INO80: variants seen among roughly 807,000 people sequenced by gnomAD.
INO80 encodes INO80 complex ATPase subunit, also known as chromatin-remodeling ATPase INO80.
Under a neutral mutation model 203.4 loss-of-function variants are expected in INO80, and 20 were observed. The ratio of observed to expected loss-of-function variants is 0.10; its 90% CI spans 0.07 to 0.14. The LOEUF is 0.14. Among genes scored for constraint, INO80 ranks in the 10% least tolerant of loss-of-function variants. The pLI, the probability that INO80 is intolerant of heterozygous loss-of-function variation, is 1.00. For missense variants in INO80, 1,419 were observed against 1,914.4 expected (o/e 0.74, Z 4.83); for synonymous variants, 726 against 685.2 (o/e 1.06, Z -0.93).
chr15:41,014,975 T>C (rs1487184475), intron 27 of INO80, among the ~76,000 whole-genome samples: 1 of 152,192 alleles, frequency 6.6e-6, no homozygotes, highest in African/African-American at 2.4e-5. Context: ...TGTAAAAACA[T>C]GAGAACATTT....
chr15:41,021,207 C>A, intron 25 of INO80, 82 bp from the exon 26 acceptor site: 1 of 900,642 alleles, frequency 1.1e-6, no homozygotes. Flanking sequence ...ACTTTGAAAT[C>A]AGACTAATGT....
intron 1 of INO80, among the ~76,000 whole-genome samples, chr15:41,115,124 A>C (rs942260144): frequency 6.6e-6 from 1 of 152,334 alleles, no homozygotes; most frequent in African/African-American, 2.4e-5. Context: ...ACTGACTGGA[A>C]AAGTAACCTG....
chr15:41,082,970 A>G (rs1282671101), intron 7 of INO80, among the ~76,000 whole-genome samples: 3 of 152,032 alleles, frequency 2.0e-5, no homozygotes, highest in African/African-American at 4.8e-5. Flanking sequence ...AAAGTTTCCC[A>G]TAACTTTCCC....
chr15:41,113,501 C>T (rs1445374679), intron 1 of INO80, among the ~76,000 whole-genome samples: 2 of 152,080 alleles, frequency 1.3e-5, no homozygotes, highest in Non-Finnish European at 2.9e-5. Context: ...CTCCTGACCT[C>T]AGGTGATCCA....
Position 41,054,025 on chromosome 15 carries a change from G to T in INO80, c.2189-11C>A. ...AGCGAGAAAGTTGATCTGAAATGCC[G>T]GGAGGCCCCCAAATAATACATTATA... On this transcript the variant is annotated splice_polypyrimidine_tract_variant and intron_variant, in intron 18 of 35. Coordinates refer to ENST00000648947, the MANE Select transcript of INO80 (RefSeq NM_017553.3). 6.2e-7 allele frequency: 1 copy of T among 1,608,280 alleles called. No individual in the cohort carries two copies. Among genetic ancestry groups the T allele is most frequent in the South Asian group, 1.1e-5 (1 of 90,858 alleles).
At chr15:41,096,142 C>T in intron 2 of INO80, 26 bp downstream of exon 2, 2 of 1,572,816 alleles carry the variant, frequency 1.3e-6, no homozygotes, top group Non-Finnish European at 8.6e-7. Context: ...TTTGGTAAAA[C>T]ATATTGCAAA....
At chr15:41,054,069 C>T (rs2044939048) in intron 18 of INO80, 55 bp from the exon 19 acceptor site, 10 of 1,406,114 alleles carry the variant, frequency 7.1e-6, no homozygotes, top group African/African-American at 2.8e-5. Flanking sequence ...ACAAAAACAA[C>T]AGAAACAAAT....
chr15:41,113,628 T>C (rs1322613073), intron 1 of INO80, among the ~76,000 whole-genome samples: 1 of 152,120 alleles, frequency 6.6e-6, no homozygotes, highest in East Asian at 1.9e-4. Context: ...TGTTTTGTTT[T>C]TAGAGACAGG....
chr15:41,036,663 C>A (rs1484083453), intron 24 of INO80, among the ~76,000 whole-genome samples: 1 of 152,102 alleles, frequency 6.6e-6, no homozygotes, highest in Non-Finnish European at 1.5e-5. Context: ...AATATTAATA[C>A]TGGTGCATTA....
At chr15:40,980,544 G>A (rs1566896512) in intron 35 of INO80, 104 bp from the exon 36 acceptor site, 7 of 783,626 alleles carry the variant, frequency 8.9e-6, no homozygotes, top group Admixed American at 2.2e-5. Context: ...GAGAAGTGGT[G>A]GGCAATTCCT....
rs759582438 is a variant in INO80, at chr15:41,069,618, T to C, written c.1734A>G (p.Thr578=). 6.7e-5 allele frequency: 108 copies of C among 1,612,244 alleles called. No homozygotes were observed. The highest frequency in any genetic ancestry group is 9.0e-5 in the Non-Finnish European group (106 of 1,179,026). ...TAAACTCCTGGTGCCAATTGTTAAG[T>C]GTAGACGCAGGTGAAATTATTAAGA... ...GPFLIISPAS[T]LNNWHQEFTR... is the part of the protein sequence containing the mutation. The change falls in exon 14 of 36, where the codon ACA becomes ACG. Residue 578 remains threonine (T), a synonymous_variant. Transcript: ENST00000648947.
At chr15:41,075,039 A>T (rs1033097907) in intron 9 of INO80, among the ~76,000 whole-genome samples, 1 of 152,132 alleles carries the variant, frequency 6.6e-6, no homozygotes, top group African/African-American at 2.4e-5. Context: ...ACCTGGCACA[A>T]TGAATAACTT....
intron 1 of INO80, among the ~76,000 whole-genome samples, chr15:41,103,548 C>T (rs1023787653): frequency 1.3e-5 from 2 of 152,102 alleles, no homozygotes; most frequent in African/African-American, 4.8e-5. Flanking sequence ...CGCCACCACG[C>T]CCGGCTAATT....
intron 29 of INO80, among the ~76,000 whole-genome samples, chr15:40,991,543 T>C (rs1467368806): frequency 2.0e-5 from 3 of 152,036 alleles, no homozygotes; most frequent in African/African-American, 7.2e-5. Flanking sequence ...ATTAAAGGAT[T>C]AGAACAACTG....
At chr15:41,049,537 C>G (rs2044829031) in intron 20 of INO80, 117 bp from the exon 21 acceptor site, 4 of 920,710 alleles carry the variant, frequency 4.3e-6, no homozygotes, top group Non-Finnish European at 6.8e-6. Context: ...CCATTTTCAT[C>G]TCATTAATAG....
chr15:41,031,963 G>GAGC (rs2044484994), intron 24 of INO80, among the ~76,000 whole-genome samples: 1 of 49,222 alleles, frequency 2.0e-5, no homozygotes, highest in African/African-American at 5.5e-5. Context: ...CACAGCACAG[G>GAGC]ACAGCACAGC....
At position 41,007,920 on chromosome 15, in the gene INO80, T is replaced by C. The variant is rs577173823; in HGVS notation, c.3403-2233A>G. ...TGGACGAAGTGGCTCACGCCTGTAA[T>C]CCCAGCACTGTGGAAGGTCGAGGTG... is the stretch of plus-strand genomic sequence containing the variant. On this transcript the variant is annotated intron_variant, in intron 27 of 35. Transcript: ENST00000648947. 5.3e-5 allele frequency among the ~76,000 whole-genome samples: 8 copies of C among 152,282 alleles called. No homozygotes were observed. The East Asian group carries it at 7.7e-4, about 15-fold the overall frequency.
chr15:41,004,860 A>T (rs948220269), intron 28 of INO80: 2 of 152,204 alleles, frequency 1.3e-5, no homozygotes, highest in South Asian at 4.1e-4. Context: ...AAAATGAAAC[A>T]CAGAAACAAA....
chr15:41,101,182 G>C (rs2045802933), intron 1 of INO80, among the ~76,000 whole-genome samples: 1 of 152,038 alleles, frequency 6.6e-6, no homozygotes, highest in South Asian at 2.1e-4. Flanking sequence ...ATTCAGCCTA[G>C]TCTTGATTAG....
Sources: allele counts gnomAD v4.1 joint callset (sites outside exome capture counted in the v4.1 genomes callset), GRCh38; gene constraint gnomAD v4.1.1; transcripts MANE v1.5; gene names NCBI Gene and HGNC (gene_info 2026-07-23, HGNC 2026-07-21).